DENND5B: variants seen among roughly 807,000 people sequenced by gnomAD.
The protein encoded by DENND5B is DENN domain-containing protein 5B.
DENND5B carries 34 observed loss-of-function variants against 140.6 expected under a neutral mutation model. The ratio of observed to expected loss-of-function variants is 0.24; its 90% CI spans 0.18 to 0.32. The LOEUF (loss-of-function observed/expected upper bound fraction) is 0.32. Ranked by LOEUF, DENND5B falls within the 10% of genes least tolerant of loss-of-function variation. The pLI is 1.00. For synonymous variants in DENND5B, 551 were observed against 562.1 expected, an observed-to-expected ratio of 0.98 and a Z score of 0.28; for missense variants, 1,142 against 1,560.2, an observed-to-expected ratio of 0.73 and a Z score of 4.52.
At chr12:31,476,277 T>G (rs1322113705) in intron 3 of DENND5B, among the ~76,000 whole-genome samples, 1 of 151,586 alleles carries the variant, frequency 6.6e-6, no homozygotes. Flanking sequence ...GACTGTATCA[T>G]TTAAAAAGGT....
At chr12:31,568,832 T>C (rs61932470) in intron 1 of DENND5B, among the ~76,000 whole-genome samples, 4,626 of 152,254 alleles carry the variant, frequency 0.03, 118 homozygotes, top group Non-Finnish European at 0.05. Flanking sequence ...GCATTCTAAC[T>C]GATAGAGAAC....
At chr12:31,505,796 A>G (rs1947176585) in intron 1 of DENND5B, among the ~76,000 whole-genome samples, 1 of 152,036 alleles carries the variant, frequency 6.6e-6, no homozygotes, top group Non-Finnish European at 1.5e-5. Flanking sequence ...AGAAACTTAA[A>G]TCCAGGTAAT....
chr12:31,516,977 G>T (rs901089270), intron 1 of DENND5B, among the ~76,000 whole-genome samples: 1 of 151,192 alleles, frequency 6.6e-6, no homozygotes, highest in African/African-American at 2.4e-5. Flanking sequence ...ATATAGAGAA[G>T]TAAAACAGAA....
At chr12:31,435,913 C>T (rs1208796409) in intron 7 of DENND5B, among the ~76,000 whole-genome samples, 1 of 152,120 alleles carries the variant, frequency 6.6e-6, no homozygotes, top group Non-Finnish European at 1.5e-5. Flanking sequence ...CCGCCCACCT[C>T]GGCCTCCCAA....
chr12:31,569,060 C>CTTTTTTTT (rs1234009016), intron 1 of DENND5B, among the ~76,000 whole-genome samples: 7 of 93,162 alleles, frequency 7.5e-5, no homozygotes, highest in Admixed American at 1.2e-4. Context: ...AGCAACATAC[C>CTTTTTTTT]TTTTTTTTTT....
chr12:31,459,864 T>G (rs928455665), intron 4 of DENND5B, among the ~76,000 whole-genome samples: 15 of 152,214 alleles, frequency 9.9e-5, no homozygotes, highest in Non-Finnish European at 1.9e-4. Flanking sequence ...TGGGCTGTAT[T>G]GTTTAAAAAC....
chr12:31,412,601 G>A (rs553873914), intron 13 of DENND5B, among the ~76,000 whole-genome samples: 52 of 152,198 alleles, frequency 3.4e-4, no homozygotes, highest in African/African-American at 1.1e-3. Flanking sequence ...GCTTGCCCTC[G>A]GCTCATCTCC....
intron 1 of DENND5B, among the ~76,000 whole-genome samples, chr12:31,533,717 T>C (rs552090355): frequency 6.6e-6 from 1 of 152,314 alleles, no homozygotes; most frequent in South Asian, 2.1e-4. Flanking sequence ...TCATACTGAT[T>C]CACCATTAGA....
intron 3 of DENND5B, among the ~76,000 whole-genome samples, chr12:31,468,960 T>G: frequency 6.6e-6 from 1 of 152,136 alleles, no homozygotes; most frequent in East Asian, 1.9e-4. Context: ...CAAGGAAATA[T>G]TAAGACTTTT....
rs55808642 is a variant in DENND5B at position 31,405,511 on chromosome 12, CATGTATGT to C, written c.2804-2876_2804-2869del. Among the ~76,000 whole-genome samples the C allele has an allele frequency of 4.8e-3, 692 of 144,690 alleles. 9 individuals carry two copies. The highest frequency in any genetic ancestry group is 0.014 in the African/African-American group (556 of 39,306). 94.9% of individuals were successfully genotyped at this position (144,690 alleles called of 152,430 possible). A position where few individuals can be genotyped will look rare whatever the true frequency, so the allele number is the denominator to read the frequency against. ...AAGACTACCGGCATGAGCCACCTGCCATGTATGTATGTATGTATGTATGTATGTATGTA... is the reference window on the plus strand; with the variant it reads ...AAGACTACCGGCATGAGCCACCTGCCATGTATGTATGTATGTATGTATGTA... On this transcript the variant is annotated intron_variant, in intron 14 of 20. Coordinates refer to ENST00000389082, the MANE Select transcript of DENND5B (RefSeq NM_144973.4).
intron 1 of DENND5B, among the ~76,000 whole-genome samples, chr12:31,513,058 T>C (rs1413284602): frequency 6.6e-6 from 1 of 152,222 alleles, no homozygotes; most frequent in Non-Finnish European, 1.5e-5. Flanking sequence ...TTCTCACATT[T>C]TCCTTGTTTT....
intron 2 of DENND5B, among the ~76,000 whole-genome samples, chr12:31,480,669 A>G (rs1200704681): frequency 6.6e-6 from 1 of 152,236 alleles, no homozygotes; most frequent in Non-Finnish European, 1.5e-5. Context: ...CAAATATTAA[A>G]AAGCACTTCA....
chr12:31,583,570 T>G (rs564866155), intron 1 of DENND5B, among the ~76,000 whole-genome samples: 1 of 151,472 alleles, frequency 6.6e-6, no homozygotes, highest in African/African-American at 2.4e-5. Flanking sequence ...CCCAGCTACT[T>G]GGGAGGCTGA....
Position 31,557,779 on chromosome 12 carries a change from C to A in DENND5B, c.127+32927G>T, listed in dbSNP as rs185347639. Among the ~76,000 whole-genome samples the A allele has an allele frequency of 5.7e-5, 8 of 141,392 alleles. No homozygotes were observed. The East Asian group carries it at 1.7e-3, about 30-fold the overall frequency. The allele number at this position is 141,392 out of a possible 152,430, so 92.8% of individuals were successfully genotyped here. ...CTGAAACGTGGGAACAATATACAAC[C>A]TATTAAAACCAGAGAAACTGGGGAG... is the stretch of plus-strand genomic sequence containing the variant. On this transcript the variant is annotated intron_variant, in intron 1 of 20. Transcript: ENST00000389082.
At chr12:31,440,072 G>A (rs983793925) in intron 7 of DENND5B, among the ~76,000 whole-genome samples, 4 of 151,744 alleles carry the variant, frequency 2.6e-5, no homozygotes, top group African/African-American at 9.7e-5. Context: ...TGTTCTTATG[G>A]AAAATTCTCT....
At chr12:31,460,151 A>C in intron 4 of DENND5B, 43 bp downstream of exon 4, 1 of 1,570,888 alleles carries the variant, frequency 6.4e-7, no homozygotes, top group South Asian at 1.2e-5. Flanking sequence ...CCTTGACCTA[A>C]ATCAGCAAAC....
chr12:31,409,636 G>T (rs906011119), intron 13 of DENND5B, among the ~76,000 whole-genome samples: 2 of 151,884 alleles, frequency 1.3e-5, no homozygotes, highest in African/African-American at 4.8e-5. Flanking sequence ...GTGCCACCAC[G>T]CCAGGCTAAT....
intron 2 of DENND5B, among the ~76,000 whole-genome samples, chr12:31,491,909 A>T (rs542598218): frequency 6.6e-6 from 1 of 152,376 alleles, no homozygotes; most frequent in South Asian, 2.1e-4. Flanking sequence ...CTAATATTAC[A>T]GAAGGTGATG....
At chr12:31,427,606 A>C (rs1593137601) in intron 8 of DENND5B, among the ~76,000 whole-genome samples, 1 of 23,050 alleles carries the variant, frequency 4.3e-5, no homozygotes, top group South Asian at 1.0e-3. Context: ...ACTCCATCTC[A>C]AAAAAAAAAA....
Sources: allele counts gnomAD v4.1 joint callset (sites outside exome capture counted in the v4.1 genomes callset), GRCh38; gene constraint gnomAD v4.1.1; transcripts MANE v1.5; gene names NCBI Gene and HGNC (gene_info 2026-07-23, HGNC 2026-07-21).